XIRP2: variants seen among roughly 807,000 people sequenced by gnomAD.
The protein encoded by XIRP2 is xin actin binding repeat containing 2.
In XIRP2, 236 loss-of-function variants were observed where a neutral mutation model predicts 277.0. That is an observed-to-expected ratio of 0.85 (90% CI 0.77 to 0.95). The LOEUF is 0.95. Among genes scored for constraint, XIRP2 ranks in the 40% least tolerant of loss-of-function variants. The probability of loss-of-function intolerance (pLI) is 0.00; values close to 1 mark genes in which losing one functional copy is unlikely to be tolerated. For missense variants in XIRP2, 4,640 were observed against 4,157.5 expected, an observed-to-expected ratio of 1.12 and a Z score of -3.19; for synonymous variants, 1,490 against 1,416.5, an observed-to-expected ratio of 1.05 and a Z score of -1.17.
chr2:166,934,222 A>G (rs911684258), intron 2 of XIRP2, among the ~76,000 whole-genome samples: 15 of 146,758 alleles, frequency 1.0e-4, no homozygotes, highest in Non-Finnish European at 1.9e-4. Context: ...AAACAAAACT[A>G]GGGTCTCTCT....
chr2:167,172,027 T>G (rs115621397), intron 3 of XIRP2, among the ~76,000 whole-genome samples: 1 of 152,208 alleles, frequency 6.6e-6, no homozygotes, highest in Non-Finnish European at 1.5e-5. Flanking sequence ...TGGAAAATTA[T>G]GTATGATCAG....
intron 2 of XIRP2, among the ~76,000 whole-genome samples, chr2:166,935,746 C>G (rs1255454386): frequency 6.6e-6 from 1 of 152,120 alleles, no homozygotes; most frequent in Non-Finnish European, 1.5e-5. Flanking sequence ...ATGAACTCAT[C>G]CTTTTTTGTG....
chr2:167,105,744 T>C (rs1376470272), intron 2 of XIRP2, among the ~76,000 whole-genome samples: 1 of 151,852 alleles, frequency 6.6e-6, no homozygotes, highest in Admixed American at 6.6e-5. Context: ...CAAACTGTTT[T>C]CCAGAGTACA....
intron 2 of XIRP2, among the ~76,000 whole-genome samples, chr2:166,994,546 A>G (rs1251484331): frequency 2.0e-5 from 3 of 148,312 alleles, no homozygotes; most frequent in Non-Finnish European, 4.4e-5. Flanking sequence ...TAAGGCTTCC[A>G]ATACTGCATT....
At chr2:167,161,231 G>A (rs1692352832) in intron 3 of XIRP2, among the ~76,000 whole-genome samples, 1 of 152,190 alleles carries the variant, frequency 6.6e-6, no homozygotes, top group African/African-American at 2.4e-5. Context: ...AATGCAAGCT[G>A]TCAGTGGATA....
At chr2:167,010,908 G>A (rs1044159929) in intron 2 of XIRP2, among the ~76,000 whole-genome samples, 2 of 152,050 alleles carry the variant, frequency 1.3e-5, no homozygotes, top group Non-Finnish European at 2.9e-5. Context: ...TGTGATTTTT[G>A]TACATTGATT....
At position 167,158,268 on chromosome 2, in the gene XIRP2, G is replaced by A. The variant is rs542334819; in HGVS notation, c.562+22206G>A. Among the ~76,000 whole-genome samples the A allele has an allele frequency of 1.5e-4, 23 of 152,244 alleles. 1 individual carries two copies. Among genetic ancestry groups the A allele is most frequent in the African/African-American group, 4.3e-4 (18 of 41,562 alleles). On this transcript the variant is annotated intron_variant, in intron 3 of 10. Coordinates refer to ENST00000409195, the MANE Select transcript of XIRP2 (RefSeq NM_152381.6). The stretch of plus-strand genomic sequence containing the variant: ...ATTTCTCATTTACAACTATAAATGC[G>A]TTTGAGGTAAGAGTCTAGAAAATTT...
At chr2:167,090,477 T>A (rs1690107946) in intron 2 of XIRP2, among the ~76,000 whole-genome samples, 1 of 152,178 alleles carries the variant, frequency 6.6e-6, no homozygotes, top group Admixed American at 6.5e-5. Context: ...TAATATATGC[T>A]TTCTGTTTTT....
rs533886324 is a variant in XIRP2, at chr2:167,222,948, A to G, written c.858+4648A>G. ...TCACCCATTTTATGAATACAGTTCA[A>G]TGATTGTTTAGAATATTTACAGAGT... On this transcript the variant is annotated intron_variant, in intron 5 of 10. Transcript: ENST00000409195. Among the ~76,000 whole-genome samples the G allele has an allele frequency of 5.3e-5, 8 of 152,228 alleles. No homozygotes were observed. In the East Asian group the frequency reaches 7.7e-4, roughly 15 times the overall value.
At chr2:167,149,744 A>C (rs1024453254) in intron 3 of XIRP2, among the ~76,000 whole-genome samples, 1 of 152,104 alleles carries the variant, frequency 6.6e-6, no homozygotes, top group African/African-American at 2.4e-5. Context: ...ACTTGAAATG[A>C]AAAAGAGAAA....
intron 2 of XIRP2, among the ~76,000 whole-genome samples, chr2:167,135,184 T>A (rs1026268998): frequency 5.3e-5 from 8 of 152,268 alleles, no homozygotes; most frequent in African/African-American, 1.4e-4. Flanking sequence ...TTTTGCAATG[T>A]TTTTATTCAA....
intron 5 of XIRP2, among the ~76,000 whole-genome samples, chr2:167,237,903 A>AT (rs926535502): frequency 3.3e-5 from 5 of 152,180 alleles, no homozygotes; most frequent in South Asian, 4.1e-4. Context: ...GTGCCCATGC[A>AT]TTTTTTTTAT....
At chr2:166,953,234 T>G (rs1282429665) in intron 2 of XIRP2, among the ~76,000 whole-genome samples, 1 of 151,956 alleles carries the variant, frequency 6.6e-6, no homozygotes, top group African/African-American at 2.4e-5. Context: ...GGTTTGGCTG[T>G]TTCCCCACCC....
intron 2 of XIRP2, among the ~76,000 whole-genome samples, chr2:167,132,508 G>A (rs1691406585): frequency 7.9e-6 from 1 of 126,876 alleles, no homozygotes; most frequent in Admixed American, 7.5e-5. Context: ...GTGTGCATGT[G>A]TATACACACA....
chr2:167,125,402 G>A (rs542588418), intron 2 of XIRP2, among the ~76,000 whole-genome samples: 1 of 152,216 alleles, frequency 6.6e-6, no homozygotes, highest in East Asian at 1.9e-4. Context: ...ATTACAGTAG[G>A]GAAACAGGAT....
At position 167,258,699 on chromosome 2, in the gene XIRP2, T is replaced by G; in HGVS notation, c.*882T>G. 6.2e-7 allele frequency: 1 copy of G among 1,613,100 alleles called. No individual in the cohort carries two copies. Among genetic ancestry groups the G allele is most frequent in the Non-Finnish European group, 8.5e-7 (1 of 1,179,568 alleles). On this transcript the variant is annotated 3_prime_UTR_variant, in exon 11 of 11. Coordinates refer to ENST00000409195, the MANE Select transcript of XIRP2 (RefSeq NM_152381.6). ...AACAATTATGTAGCAGTCTCATATC[T>G]GAATAATTGCAGGCAGAAGACATCT... is the stretch of plus-strand genomic sequence containing the variant.
chr2:167,202,279 T>C (rs1693742238), intron 3 of XIRP2, among the ~76,000 whole-genome samples: 1 of 152,190 alleles, frequency 6.6e-6, no homozygotes, highest in Non-Finnish European at 1.5e-5. Context: ...TTAAAAATGT[T>C]TAAGAGCAGT....
intron 2 of XIRP2, among the ~76,000 whole-genome samples, chr2:167,012,229 T>C (rs1687701175): frequency 6.6e-6 from 1 of 151,942 alleles, no homozygotes; most frequent in Admixed American, 6.6e-5. Flanking sequence ...CACACTGCTT[T>C]GAATGTGTCC....
intron 2 of XIRP2, among the ~76,000 whole-genome samples, chr2:167,007,823 CATG>C: frequency 6.6e-6 from 1 of 151,194 alleles, no homozygotes; most frequent in South Asian, 2.1e-4. Flanking sequence ...ACAAAAAAGA[CATG>C]ATCAAAGTGT....
Sources: gnomAD v4.1 joint callset for allele counts (sites outside exome capture counted in the v4.1 genomes callset) on GRCh38, gnomAD v4.1.1 for gene constraint, MANE v1.5 for transcripts, NCBI Gene and HGNC (gene_info 2026-07-23, HGNC 2026-07-21) for gene names.